Variants in OSBPL10 observed in about 807,000 individuals in gnomAD.
OSBPL10 encodes oxysterol-binding protein-related protein 10.
OSBPL10 carries 49 observed loss-of-function variants against 81.7 expected under a neutral mutation model. The ratio of observed to expected loss-of-function variants is 0.60; its 90% CI spans 0.48 to 0.76. The LOEUF is 0.76. Ranked by LOEUF, OSBPL10 falls within the 30% of genes least tolerant of loss-of-function variation. The pLI is 0.00. For synonymous variants in OSBPL10, 419 were observed against 383.6 expected, an observed-to-expected ratio of 1.09 and a Z score of -1.08; for missense variants, 923 against 987.8, an observed-to-expected ratio of 0.93 and a Z score of 0.88.
chr3:31,806,762 G>T (rs902136767), intron 4 of OSBPL10, among the ~76,000 whole-genome samples: 1 of 151,640 alleles, frequency 6.6e-6, no homozygotes, highest in African/African-American at 2.4e-5. Flanking sequence ...TGAGGAGGAG[G>T]CATTTGGACA....
intron 7 of OSBPL10, among the ~76,000 whole-genome samples, chr3:31,686,056 C>T (rs1354794214): frequency 1.3e-5 from 2 of 152,184 alleles, no homozygotes; most frequent in African/African-American, 4.8e-5. Context: ...GTTCTAGAAG[C>T]GACTTTGGCT....
At chr3:31,888,397 CTTGG>C (rs1695799011) in intron 1 of OSBPL10, among the ~76,000 whole-genome samples, 1 of 152,120 alleles carries the variant, frequency 6.6e-6, no homozygotes, top group African/African-American at 2.4e-5. Flanking sequence ...GCTGCAGGAC[CTTGG>C]TCTGGGAAAA....
chr3:31,811,298 G>A (rs1044811472), intron 4 of OSBPL10, among the ~76,000 whole-genome samples: 2 of 152,208 alleles, frequency 1.3e-5, no homozygotes, highest in Admixed American at 6.5e-5. Flanking sequence ...CCTGGGAAGG[G>A]CGGGGCCCTT....
intron 11 of OSBPL10, chr3:31,662,745 G>A: frequency 1.0e-6 from 1 of 985,406 alleles, no homozygotes; most frequent in African/African-American, 1.7e-5. Context: ...TTAAACTCAG[G>A]AAGAACTGTA....
chr3:31,891,911 G>A (rs887186487), intron 1 of OSBPL10, among the ~76,000 whole-genome samples: 3 of 152,062 alleles, frequency 2.0e-5, no homozygotes, highest in Admixed American at 1.3e-4. Flanking sequence ...ATTTGTTTTC[G>A]GAAAAATTTT....
chr3:31,814,764 C>T (rs894263632), intron 4 of OSBPL10, among the ~76,000 whole-genome samples: 2 of 152,046 alleles, frequency 1.3e-5, no homozygotes, highest in African/African-American at 4.8e-5. Context: ...GGTTGTACAG[C>T]GTATTAATAG....
chr3:32,072,823 C>T (rs115417841), intron 1 of OSBPL10, among the ~76,000 whole-genome samples: 3,001 of 152,246 alleles, frequency 0.02, 106 homozygotes, highest in African/African-American at 0.069. Flanking sequence ...GCCTTTCCCA[C>T]GGGGTCTGAG....
intron 5 of OSBPL10, among the ~76,000 whole-genome samples, chr3:31,745,444 G>T (rs555049212): frequency 8.7e-4 from 133 of 152,178 alleles, no homozygotes; most frequent in Non-Finnish European, 1.7e-3. Flanking sequence ...AGAAGGATAT[G>T]TGAGCATTTT....
chr3:32,005,908 G>A (rs1240110729), intron 2 of OSBPL10, among the ~76,000 whole-genome samples: 9 of 151,302 alleles, frequency 5.9e-5, no homozygotes, highest in South Asian at 2.1e-4. Context: ...CTTTTAAGTG[G>A]TGTCTTGTTT....
intron 2 of OSBPL10, among the ~76,000 whole-genome samples, chr3:32,039,262 G>T (rs1699548612): frequency 6.6e-6 from 1 of 151,184 alleles, no homozygotes; most frequent in Non-Finnish European, 1.5e-5. Flanking sequence ...GGAGGTGGAG[G>T]TTGCAGTGAG....
At chr3:31,867,077 G>T (rs1200697163) in intron 3 of OSBPL10, among the ~76,000 whole-genome samples, 2 of 152,118 alleles carry the variant, frequency 1.3e-5, no homozygotes, top group Non-Finnish European at 2.9e-5. Flanking sequence ...CTAACCATAT[G>T]CCAATCTAAC....
At chr3:32,016,405 A>T (rs527484140) in intron 2 of OSBPL10, among the ~76,000 whole-genome samples, 2 of 151,864 alleles carry the variant, frequency 1.3e-5, no homozygotes, top group African/African-American at 4.8e-5. Flanking sequence ...ATGAGAACAC[A>T]TGGACACAGG....
chr3:32,026,057 T>TAGATAGATGATTGATAGATA lies in OSBPL10; in HGVS notation n.298+20433_298+20434insTATCTATCAATCATCTATCT, dbSNP rs58717718. On this transcript the variant is annotated intron_variant and non_coding_transcript_variant, in intron 2 of 3. Transcript: ENST00000479173. ...ATAGATAGATAGATAGATAGATAGATGATAGATAGATAGATAGATAGATAG... is the reference window on the plus strand; with the variant it reads ...ATAGATAGATAGATAGATAGATAGATAGATAGATGATTGATAGATAGATAGATAGATAGATAGATAGATAG... Among the ~76,000 whole-genome samples, 56 of 111,346 alleles carry TAGATAGATGATTGATAGATA rather than the reference T, an allele frequency of 5.0e-4. 1 individual carries two copies. In the East Asian group the frequency reaches 0.012, roughly 25 times the overall value. 73.0% of individuals were successfully genotyped at this position (111,346 alleles called of 152,430 possible). A position where few individuals can be genotyped will look rare whatever the true frequency, so the allele number is the denominator to read the frequency against.
At chr3:31,864,387 A>G (rs1019376778) in intron 3 of OSBPL10, among the ~76,000 whole-genome samples, 3 of 152,062 alleles carry the variant, frequency 2.0e-5, no homozygotes, top group Non-Finnish European at 2.9e-5. Context: ...TATGACAGAC[A>G]CACGCCACCA....
intron 3 of OSBPL10, among the ~76,000 whole-genome samples, chr3:31,835,191 T>C (rs1414872242): frequency 6.6e-6 from 1 of 152,062 alleles, no homozygotes; most frequent in African/African-American, 2.4e-5. Context: ...ACCACTTGCT[T>C]CGGAGAAAAA....
intron 6 of OSBPL10, among the ~76,000 whole-genome samples, chr3:31,720,449 T>C (rs889058412): frequency 6.6e-6 from 1 of 152,192 alleles, no homozygotes; most frequent in African/African-American, 2.4e-5. Flanking sequence ...TTTCCAATAA[T>C]GAGTCCAGCT....
intron 9 of OSBPL10, among the ~76,000 whole-genome samples, chr3:31,669,679 G>A (rs1030300299): frequency 2.0e-5 from 3 of 152,150 alleles, no homozygotes; most frequent in African/African-American, 2.4e-5. Context: ...CCAAGTGAAA[G>A]CAGACTCCCA....
At chr3:31,696,566 C>T (rs1266341674) in intron 7 of OSBPL10, among the ~76,000 whole-genome samples, 1 of 152,252 alleles carries the variant, frequency 6.6e-6, no homozygotes, top group Non-Finnish European at 1.5e-5. Context: ...TCAATTCTTT[C>T]TTCTTGATAC....
At chr3:31,993,221 T>C (rs1237958974) in intron 2 of OSBPL10, among the ~76,000 whole-genome samples, 1 of 144,314 alleles carries the variant, frequency 6.9e-6, no homozygotes, top group Non-Finnish European at 1.5e-5. Flanking sequence ...TATTTTATTT[T>C]ATTTTTGAGA....
Sources: gnomAD v4.1 joint callset for allele counts (sites outside exome capture counted in the v4.1 genomes callset) on GRCh38, gnomAD v4.1.1 for gene constraint, MANE v1.5 for transcripts, NCBI Gene and HGNC (gene_info 2026-07-23, HGNC 2026-07-21) for gene names.